The following CRK variants were observed in gnomAD, a reference collection of about 807,000 sequenced individuals.
CRK encodes adapter molecule crk.
CRK carries 4 observed loss-of-function variants against 29.8 expected under a neutral mutation model. The ratio of observed to expected loss-of-function variants is 0.13; its 90% CI spans 0.07 to 0.31. CRK has a LOEUF of 0.31. Among genes scored for constraint, CRK ranks in the 10% least tolerant of loss-of-function variants. The pLI, the probability that CRK is intolerant of heterozygous loss-of-function variation, is 1.00. For missense variants in CRK, 274 were observed against 396.5 expected, an observed-to-expected ratio of 0.69 and a Z score of 2.62; for synonymous variants, 153 against 164.9, an observed-to-expected ratio of 0.93 and a Z score of 0.55.
At chr17:1,443,562 A>G (rs901792869) in intron 1 of CRK, among the ~76,000 whole-genome samples, 3 of 141,970 alleles carry the variant, frequency 2.1e-5, no homozygotes, top group Non-Finnish European at 4.6e-5. Flanking sequence ...CGCCCGGCTA[A>G]TTTTTTTTTG....
rs573836855 is a variant in CRK at position 1,430,412 on chromosome 17, A to T, written c.777+6208T>A. 4.0e-5 allele frequency among the ~76,000 whole-genome samples: 6 copies of T among 150,594 alleles called. No homozygotes were observed. The South Asian group carries it at 8.4e-4, about 21-fold the overall frequency. The stretch of plus-strand genomic sequence containing the variant: ...CGCTCTGTCGCCCAGGCTGGAGTGC[A>T]GTGGCGCGATCTTGGCTCACTGCAA... On this transcript the variant is annotated intron_variant, in intron 2 of 2. Transcript: ENST00000300574.
intron 1 of CRK, among the ~76,000 whole-genome samples, chr17:1,442,158 G>GT (rs56392950): frequency 0.015 from 2,128 of 142,548 alleles, 42 homozygotes; most frequent in African/African-American, 0.048. Context: ...CGCCCGGCCT[G>GT]TTTTTTTTTT....
At chr17:1,423,701 C>T (rs2150897136) in intron 2 of CRK, 51 bp from the exon 3 acceptor site, 1 of 1,604,134 alleles carries the variant, frequency 6.2e-7, no homozygotes, top group Non-Finnish European at 8.5e-7. Flanking sequence ...GGAATGCAAG[C>T]TGAACAACTC....
intron 1 of CRK, among the ~76,000 whole-genome samples, chr17:1,448,926 A>G (rs895556722): frequency 8.5e-5 from 13 of 152,114 alleles, no homozygotes; most frequent in South Asian, 2.1e-4. Context: ...ACATCTGTTG[A>G]GGCCAGGAGT....
At chr17:1,447,388 T>C (rs1462341699) in intron 1 of CRK, among the ~76,000 whole-genome samples, 1 of 151,992 alleles carries the variant, frequency 6.6e-6, no homozygotes, top group East Asian at 1.9e-4. Context: ...AAGGAGAGGA[T>C]ATCCTTTCAG....
Position 1,420,940 on chromosome 17 carries a change from T to G in CRK, c.*2573A>C, listed in dbSNP as rs1351864540. On this transcript the variant is annotated 3_prime_UTR_variant, in exon 3 of 3. Coordinates refer to ENST00000300574, the MANE Select transcript of CRK (RefSeq NM_016823.4). Reference sequence around the variant, plus strand: ...ATAATTAAAAATTATCTATTTGCATTATTAACAATAAACAATTCCAACAAA... The same window carrying G: ...ATAATTAAAAATTATCTATTTGCATGATTAACAATAAACAATTCCAACAAA... 1 of 152,182 alleles carries G rather than the reference T, an allele frequency of 6.6e-6. No individual in the cohort carries two copies. The highest frequency in any genetic ancestry group is 2.4e-5 in the African/African-American group (1 of 41,452). 9.4% of individuals were successfully genotyped at this position (152,182 alleles called of 1,614,324 possible).
chr17:1,437,959 C>T (rs928171779), intron 1 of CRK, among the ~76,000 whole-genome samples: 9 of 151,966 alleles, frequency 5.9e-5, no homozygotes, highest in African/African-American at 1.5e-4. Context: ...AGCTACTGCG[C>T]CTGGCCTGCA....
At chr17:1,428,521 C>CT (rs754259440) in intron 2 of CRK, among the ~76,000 whole-genome samples, 56,708 of 110,572 alleles carry the variant, frequency 0.51, 15,983 homozygotes, top group South Asian at 0.62. Context: ...CATATCAGAT[C>CT]TTTTTTTTTT....
intron 1 of CRK, among the ~76,000 whole-genome samples, chr17:1,443,302 T>C (rs896733264): frequency 1.3e-5 from 2 of 152,094 alleles, no homozygotes; most frequent in Non-Finnish European, 2.9e-5. Flanking sequence ...CTTTCTAGGC[T>C]TAAGCAATTC....
intron 1 of CRK, among the ~76,000 whole-genome samples, chr17:1,439,916 G>A (rs2073921064): frequency 6.6e-6 from 1 of 152,174 alleles, no homozygotes; most frequent in Admixed American, 6.6e-5. Context: ...ACTTTAGGAG[G>A]CTGAGGTGGG....
intron 2 of CRK, among the ~76,000 whole-genome samples, chr17:1,430,852 G>A (rs1396663217): frequency 1.3e-5 from 2 of 151,558 alleles, no homozygotes; most frequent in Non-Finnish European, 2.9e-5. Flanking sequence ...TGGATCACGA[G>A]GTCAGCAGAT....
At chr17:1,428,244 G>A (rs991855031) in intron 2 of CRK, among the ~76,000 whole-genome samples, 3 of 150,520 alleles carry the variant, frequency 2.0e-5, no homozygotes, top group South Asian at 2.1e-4. Context: ...TCAGCCTCCA[G>A]AGTAGCTGGG....
Position 1,456,049 on chromosome 17 carries a change from C to A in CRK, c.69G>T (p.Ala23=), listed in dbSNP as rs764075517. ...WYWGRLSRQE[A]VALLQGQRHG... is the part of the protein sequence containing the mutation. ...GCCGCTGGCCCTGCAGCAGCGCCACCGCCTCCTGCCGACTCAACCTCCCCC... is the reference window on the plus strand; with the variant it reads ...GCCGCTGGCCCTGCAGCAGCGCCACAGCCTCCTGCCGACTCAACCTCCCCC... Residue 23 remains alanine (A), a synonymous_variant, in exon 1 of 3, where the codon GCG becomes GCT. Coordinates refer to ENST00000300574, the MANE Select transcript of CRK (RefSeq NM_016823.4). 2.5e-6 allele frequency: 4 copies of A among 1,593,352 alleles called. No homozygotes were observed. Among genetic ancestry groups the A allele is most frequent in the Non-Finnish European group, 3.4e-6 (4 of 1,172,106 alleles).
chr17:1,451,113 A>C (rs1598306096), intron 1 of CRK, among the ~76,000 whole-genome samples: 1 of 138,236 alleles, frequency 7.2e-6, no homozygotes, highest in Admixed American at 7.9e-5. Context: ...AATGGCATGA[A>C]CCCCACGGGG....
intron 2 of CRK, among the ~76,000 whole-genome samples, chr17:1,425,869 G>C (rs1246555093): frequency 1.3e-5 from 2 of 152,184 alleles, no homozygotes; most frequent in Non-Finnish European, 2.9e-5. Context: ...GGGATAGAGA[G>C]ACACATAAGA....
At chr17:1,445,362 G>T (rs895958920) in intron 1 of CRK, among the ~76,000 whole-genome samples, 5 of 152,064 alleles carry the variant, frequency 3.3e-5, no homozygotes, top group African/African-American at 1.2e-4. Flanking sequence ...TTAAAACAGT[G>T]AACAGCCCAG....
chr17:1,439,833 A>C (rs781385431), intron 1 of CRK, among the ~76,000 whole-genome samples: 2 of 151,862 alleles, frequency 1.3e-5, no homozygotes, highest in Non-Finnish European at 1.5e-5. Flanking sequence ...ACAGAGCAAG[A>C]CTCTGTGTCA....
intron 1 of CRK, among the ~76,000 whole-genome samples, chr17:1,452,605 T>A (rs193302632): frequency 6.6e-6 from 1 of 151,466 alleles, no homozygotes; most frequent in East Asian, 2.0e-4. Context: ...CTGGCCAACA[T>A]GGTGAAACCC....
intron 1 of CRK, 139 bp from the exon 2 acceptor site, chr17:1,437,294 C>G: frequency 1.1e-6 from 1 of 897,116 alleles, no homozygotes; most frequent in Non-Finnish European, 1.6e-6. Flanking sequence ...TCAAGTGATC[C>G]TCTCACCACA....
Sources: allele counts gnomAD v4.1 joint callset (sites outside exome capture counted in the v4.1 genomes callset), GRCh38; gene constraint gnomAD v4.1.1; transcripts MANE v1.5; gene names NCBI Gene and HGNC (gene_info 2026-07-23, HGNC 2026-07-21).